The following ACTR3C variants were observed in gnomAD, a reference collection of about 807,000 sequenced individuals.
The protein encoded by ACTR3C is actin-related protein 3C.
In ACTR3C, 18 loss-of-function variants were observed where a neutral mutation model predicts 26.3. The observed-to-expected ratio is 0.68, with a 90% confidence interval of 0.47 to 1.01. ACTR3C has a LOEUF of 1.01. ACTR3C is among the 50% of genes least tolerant of loss of function. ACTR3C has a pLI of 0.00. For synonymous variants in ACTR3C, 55 were observed against 94.5 expected, an observed-to-expected ratio of 0.58 and a Z score of 2.42; for missense variants, 184 against 250.7, an observed-to-expected ratio of 0.73 and a Z score of 1.80.
the ACTR3C span, among the ~76,000 whole-genome samples, chr7:150,220,463 CTTCTG>C: frequency 6.8e-6 from 1 of 148,078 alleles, no homozygotes; most frequent in South Asian, 2.1e-4. Flanking sequence ...ACGCTGCAGG[CTTCTG>C]TGCAGGGGCG....
chr7:149,915,197 T>C, the ACTR3C span, among the ~76,000 whole-genome samples: 1 of 152,118 alleles, frequency 6.6e-6, no homozygotes, highest in East Asian at 1.9e-4. Flanking sequence ...TTATAGATGA[T>C]AACTGTATAC....
At chr7:150,240,484 T>A (rs1223202704), downstream of ACTR3C, among the ~76,000 whole-genome samples, 1 of 152,156 alleles carries the variant, frequency 6.6e-6, no homozygotes, top group Non-Finnish European at 1.5e-5. Flanking sequence ...AAAACCTAGA[T>A]GACAGGTTGA....
At chr7:150,233,753 T>A in the ACTR3C span, among the ~76,000 whole-genome samples, 90 of 141,396 alleles carry the variant, frequency 6.4e-4, 3 homozygotes, top group East Asian at 0.016. Context: ...TCCATTAGAG[T>A]CTTTAAAATC....
At chr7:150,098,556 A>T in the ACTR3C span, among the ~76,000 whole-genome samples, 2 of 151,808 alleles carry the variant, frequency 1.3e-5, no homozygotes, top group Non-Finnish European at 2.9e-5. Flanking sequence ...CTTAAACTGC[A>T]TGCTTTTGTC....
At chr7:150,216,655 C>T in the ACTR3C span, among the ~76,000 whole-genome samples, 18 of 152,156 alleles carry the variant, frequency 1.2e-4, no homozygotes, top group African/African-American at 4.3e-4. Flanking sequence ...GGGACCTGCT[C>T]CTGAGGAGCT....
chr7:150,030,561 C>T, the ACTR3C span, among the ~76,000 whole-genome samples: 3 of 149,488 alleles, frequency 2.0e-5, no homozygotes, highest in African/African-American at 5.1e-5. Context: ...TGGTTGGTAT[C>T]GAGTAAAAGT....
chr7:149,975,833 A>G, the ACTR3C span, among the ~76,000 whole-genome samples: 1 of 152,196 alleles, frequency 6.6e-6, no homozygotes, highest in Non-Finnish European at 1.5e-5. Flanking sequence ...CATTGTCACA[A>G]GAACAGCATG....
rs751543860 is a variant in ACTR3C at position 150,284,846 on chromosome 7, C to T, written c.472-1G>A. The T allele has an allele frequency of 2.5e-6, 4 of 1,608,690 alleles. No homozygotes were observed. Among genetic ancestry groups the T allele is most frequent in the Non-Finnish European group, 3.4e-6 (4 of 1,177,976 alleles). On this transcript the variant is annotated splice_acceptor_variant, in intron 5 of 7. Coordinates refer to ENST00000683684, the MANE Select transcript of ACTR3C (RefSeq NM_001164458.2). LOFTEE classifies it high-confidence loss of function. ...ACTCCATAGAGTCTGGGTTGGCAAA[C>T]TGAATTGTATATCAATATAAAAGAA... is the stretch of plus-strand genomic sequence containing the variant.
chr7:150,026,579 T>C, the ACTR3C span, among the ~76,000 whole-genome samples: 1 of 152,032 alleles, frequency 6.6e-6, no homozygotes, highest in Non-Finnish European at 1.5e-5. Context: ...CAGTTTCCCA[T>C]ACCTTCAATT....
the ACTR3C span, among the ~76,000 whole-genome samples, chr7:150,070,561 C>T: frequency 6.6e-6 from 1 of 152,044 alleles, no homozygotes; most frequent in Admixed American, 6.5e-5. Flanking sequence ...AGTGATCCTC[C>T]CACTGCAATC....
chr7:150,195,253 T>C, the ACTR3C span, among the ~76,000 whole-genome samples: 1 of 151,656 alleles, frequency 6.6e-6, no homozygotes, highest in Non-Finnish European at 1.5e-5. Context: ...ATAAATACAC[T>C]ATAGATCTAA....
chr7:150,143,400 G>A, the ACTR3C span, among the ~76,000 whole-genome samples: 1 of 152,086 alleles, frequency 6.6e-6, no homozygotes, highest in South Asian at 2.1e-4. Context: ...ATTGACTGCA[G>A]TGAAAACAGA....
chr7:150,301,068 C>A (rs909397870), intron 1 of ACTR3C, among the ~76,000 whole-genome samples: 1 of 152,144 alleles, frequency 6.6e-6, no homozygotes, highest in African/African-American at 2.4e-5. Context: ...TACTTATAAA[C>A]ACTTAGAATG....
the ACTR3C span, among the ~76,000 whole-genome samples, chr7:150,215,393 A>G: frequency 6.6e-6 from 1 of 152,128 alleles, no homozygotes; most frequent in Non-Finnish European, 1.5e-5. Flanking sequence ...ATAAGGATTG[A>G]CTTCTTGCCA....
At chr7:150,152,072 A>G in the ACTR3C span, among the ~76,000 whole-genome samples, 2 of 150,828 alleles carry the variant, frequency 1.3e-5, no homozygotes, top group Admixed American at 6.6e-5. Flanking sequence ...ATATACAATC[A>G]TGTCATTTGC....
the ACTR3C span, among the ~76,000 whole-genome samples, chr7:150,007,129 G>T: frequency 6.6e-6 from 1 of 151,998 alleles, no homozygotes; most frequent in South Asian, 2.1e-4. Flanking sequence ...TGAAGACTGG[G>T]AAAGATGAAG....
At chr7:150,086,674 T>G in the ACTR3C span, among the ~76,000 whole-genome samples, 1 of 151,604 alleles carries the variant, frequency 6.6e-6, no homozygotes, top group Admixed American at 6.6e-5. Flanking sequence ...AGCCTGGGAG[T>G]TGAGGGCACC....
chr7:150,294,860 C>G (rs1385858498), intron 2 of ACTR3C, among the ~76,000 whole-genome samples: 1 of 151,266 alleles, frequency 6.6e-6, no homozygotes, highest in Non-Finnish European at 1.5e-5. Context: ...CACAGGGTCC[C>G]TCAGAATCAA....
chr7:150,039,779 G>A, the ACTR3C span, among the ~76,000 whole-genome samples: 41 of 116,422 alleles, frequency 3.5e-4, no homozygotes, highest in Admixed American at 3.3e-3. Context: ...CCAGAGCCAG[G>A]GGGGGAAGAG....
Sources: gnomAD v4.1 joint callset for allele counts (sites outside exome capture counted in the v4.1 genomes callset) on GRCh38, gnomAD v4.1.1 for gene constraint, MANE v1.5 for transcripts, NCBI Gene and HGNC (gene_info 2026-07-23, HGNC 2026-07-21) for gene names.